Variants in ZFYVE28 observed in about 807,000 individuals in gnomAD.
ZFYVE28 encodes the protein lateral signaling target protein 2 homolog.
ZFYVE28 carries 40 observed loss-of-function variants against 82.1 expected under a neutral mutation model. The ratio of observed to expected loss-of-function variants is 0.49; its 90% CI spans 0.38 to 0.63. ZFYVE28 has a LOEUF of 0.63. ZFYVE28 is among the 30% of genes least tolerant of loss of function. The pLI is 0.00. For synonymous variants in ZFYVE28, 612 were observed against 546.1 expected, an observed-to-expected ratio of 1.12 and a Z score of -1.68; for missense variants, 1,321 against 1,242.1, an observed-to-expected ratio of 1.06 and a Z score of -0.96.
intron 6 of ZFYVE28, among the ~76,000 whole-genome samples, chr4:2,331,708 G>C (rs1439568743): frequency 6.6e-6 from 1 of 152,154 alleles, no homozygotes; most frequent in Non-Finnish European, 1.5e-5. Flanking sequence ...CTACGGCTCA[G>C]AGCAAGTCCC....
chr4:2,281,600 C>G (rs1711978193), intron 8 of ZFYVE28, among the ~76,000 whole-genome samples: 1 of 152,222 alleles, frequency 6.6e-6, no homozygotes, highest in African/African-American at 2.4e-5. Context: ...CATCAATCCG[C>G]TCAGGAGGGC....
chr4:2,331,842 C>T lies in ZFYVE28; in HGVS notation c.701+3863G>A, dbSNP rs1375044442. Among the ~76,000 whole-genome samples, 7 of 152,358 alleles carry T rather than the reference C, an allele frequency of 4.6e-5. No individual in the cohort carries two copies. The East Asian group carries it at 7.7e-4, about 17-fold the overall frequency. On this transcript the variant is annotated intron_variant, in intron 6 of 12. Transcript: ENST00000290974. ...CTCCCTTCCACCTCCCCCTGCCAAT[C>T]TGAAGGCCTCAGTTTACCACTGCCT...
At position 2,301,455 on chromosome 4, in the gene ZFYVE28, A is replaced by C. The variant is rs1481746174; in HGVS notation, c.2051+2834T>G. On this transcript the variant is annotated intron_variant, in intron 8 of 12. Coordinates refer to ENST00000290974, the MANE Select transcript of ZFYVE28 (RefSeq NM_020972.3). ...TTTCTCGGATCCTCAGCACTGCCAGAAACGCTTCCCTGGAAGATGACACCA... is the reference window on the plus strand; with the variant it reads ...TTTCTCGGATCCTCAGCACTGCCAGCAACGCTTCCCTGGAAGATGACACCA... 2.0e-5 allele frequency among the ~76,000 whole-genome samples: 3 copies of C among 152,162 alleles called. No individual in the cohort carries two copies. In the East Asian group the frequency reaches 5.8e-4, roughly 29 times the overall value.
intron 2 of ZFYVE28, among the ~76,000 whole-genome samples, chr4:2,350,944 GTTA>G (rs1332075975): frequency 6.6e-6 from 1 of 152,164 alleles, no homozygotes; most frequent in African/African-American, 2.4e-5. Context: ...ATCTGTACCT[GTTA>G]CTACATTCTT....
intron 8 of ZFYVE28, among the ~76,000 whole-genome samples, chr4:2,299,620 G>C (rs1181325982): frequency 2.4e-5 from 3 of 122,668 alleles, no homozygotes; most frequent in Non-Finnish European, 5.1e-5. Context: ...AAAGAGAAAA[G>C]AGAAGGAAGG....
At chr4:2,340,803 C>A (rs892094396) in intron 3 of ZFYVE28, among the ~76,000 whole-genome samples, 4 of 152,098 alleles carry the variant, frequency 2.6e-5, no homozygotes, top group Non-Finnish European at 5.9e-5. Context: ...GTGGGGTGGG[C>A]AGGGTGGACA....
intron 1 of ZFYVE28, among the ~76,000 whole-genome samples, chr4:2,363,340 G>A (rs1259717406): frequency 6.6e-6 from 1 of 152,122 alleles, no homozygotes; most frequent in East Asian, 1.9e-4. Flanking sequence ...AGATAGGGAG[G>A]GACTGCCCAG....
At chr4:2,405,090 T>C (rs1731719044) in intron 1 of ZFYVE28, among the ~76,000 whole-genome samples, 1 of 152,170 alleles carries the variant, frequency 6.6e-6, no homozygotes, top group Non-Finnish European at 1.5e-5. Context: ...GAACCATAAC[T>C]AACCTCATCC....
At chr4:2,309,552 T>C (rs1241412105) in intron 7 of ZFYVE28, among the ~76,000 whole-genome samples, 1 of 152,210 alleles carries the variant, frequency 6.6e-6, no homozygotes, top group Non-Finnish European at 1.5e-5. Context: ...CTGAGTTTCC[T>C]AGGTACTTGA....
chr4:2,343,227 A>G (rs1723065586), intron 2 of ZFYVE28: 1 of 152,216 alleles, frequency 6.6e-6, no homozygotes, highest in African/African-American at 2.4e-5. Context: ...TACAATGTCA[A>G]AAGTGCAAAC....
chr4:2,285,213 G>C (rs1322138979), intron 8 of ZFYVE28: 2 of 152,336 alleles, frequency 1.3e-5, no homozygotes, highest in African/African-American at 4.8e-5. Flanking sequence ...CAAGCCCCCT[G>C]AGGCTGGAAG....
intron 7 of ZFYVE28, among the ~76,000 whole-genome samples, chr4:2,306,444 C>T (rs998335742): frequency 1.3e-5 from 2 of 152,194 alleles, no homozygotes; most frequent in Admixed American, 6.5e-5. Context: ...CCCTGGCTCT[C>T]GCATGACACC....
chr4:2,300,940 C>G lies in ZFYVE28; in HGVS notation c.2051+3349G>C, dbSNP rs769453450. Among the ~76,000 whole-genome samples the G allele has an allele frequency of 6.6e-6, 1 of 152,156 alleles. No individual in the cohort carries two copies. The highest frequency in any genetic ancestry group is 1.5e-5 in the Non-Finnish European group (1 of 68,036). The stretch of plus-strand genomic sequence containing the variant: ...CAGCTGAGGCAAATACCACCCTCTC[C>G]GTCTCAGTCTCTCCCACTGCAGAAT... On this transcript the variant is annotated intron_variant, in intron 8 of 12. Transcript: ENST00000290974. This position sits in a 1 kb window ranked among gnomAD's most constrained non-coding sequence, Gnocchi z 4.6.
At chr4:2,414,023 A>T (rs765828283) in intron 1 of ZFYVE28, among the ~76,000 whole-genome samples, 6 of 152,292 alleles carry the variant, frequency 3.9e-5, no homozygotes, top group South Asian at 4.1e-4. Context: ...GACCAAACAG[A>T]TATATCCAGA....
chr4:2,284,084 T>C (rs1196592369), intron 8 of ZFYVE28, among the ~76,000 whole-genome samples: 2 of 152,186 alleles, frequency 1.3e-5, no homozygotes, highest in Non-Finnish European at 2.9e-5. Context: ...ACAGGTGCTC[T>C]CTTTCTTGGA....
At chr4:2,379,445 T>A (rs1728496220) in intron 1 of ZFYVE28, among the ~76,000 whole-genome samples, 2 of 152,244 alleles carry the variant, frequency 1.3e-5, no homozygotes, top group African/African-American at 4.8e-5. Context: ...AGCTAAAATG[T>A]TCGGCTGAAG....
chr4:2,281,159 G>A (rs1577881771), intron 8 of ZFYVE28, among the ~76,000 whole-genome samples: 1 of 152,206 alleles, frequency 6.6e-6, no homozygotes, highest in African/African-American at 2.4e-5. Flanking sequence ...GAGCCAAGGG[G>A]CCCCATACAG....
intron 1 of ZFYVE28, among the ~76,000 whole-genome samples, chr4:2,403,146 C>T (rs1731379456): frequency 6.6e-6 from 1 of 152,290 alleles, no homozygotes; most frequent in Non-Finnish European, 1.5e-5. Flanking sequence ...TGTGTGGCCC[C>T]AGCTGCCTTC....
chr4:2,321,769 T>C (rs1013629771), intron 6 of ZFYVE28, among the ~76,000 whole-genome samples: 5 of 152,038 alleles, frequency 3.3e-5, no homozygotes, highest in Non-Finnish European at 7.4e-5. Context: ...CTGCTGAGCA[T>C]AGGACTCAGT....
Sources: gnomAD v4.1 joint callset for allele counts (sites outside exome capture counted in the v4.1 genomes callset) on GRCh38, gnomAD v4.1.1 for gene constraint, Gnocchi (gnomAD v3.1) non-coding constraint, MANE v1.5 for transcripts, NCBI Gene and HGNC (gene_info 2026-07-23, HGNC 2026-07-21) for gene names.